Variants in CEP63 observed in about 807,000 individuals in gnomAD.
CEP63 encodes the protein centrosomal protein 63.
CEP63 carries 84 observed loss-of-function variants against 89.1 expected under a neutral mutation model. The ratio of observed to expected loss-of-function variants is 0.94; its 90% CI spans 0.79 to 1.13. CEP63 has a LOEUF of 1.13. Among genes scored for constraint, CEP63 ranks in the 50% most tolerant of loss-of-function variants. CEP63 has a pLI of 0.00. For synonymous variants in CEP63, 267 were observed against 272.5 expected (o/e 0.98, Z 0.20); for missense variants, 838 against 813.3 (o/e 1.03, Z -0.37).
intron 3 of CEP63, among the ~76,000 whole-genome samples, chr3:134,522,866 G>A (rs374508652): frequency 1.9e-4 from 29 of 152,228 alleles, no homozygotes; most frequent in African/African-American, 3.6e-4. Context: ...GTGAACTTAC[G>A]TGTGTATGTG....
chr3:134,583,730 G>A (rs983188551), intron 10 of CEP63, among the ~76,000 whole-genome samples: 2 of 152,274 alleles, frequency 1.3e-5, no homozygotes, highest in Admixed American at 6.5e-5. Context: ...GTCATTGGTA[G>A]CTTGATGGGG....
At chr3:134,757,749 T>G in the CEP63 span, among the ~76,000 whole-genome samples, 83 of 151,882 alleles carry the variant, frequency 5.5e-4, 1 homozygote, top group Middle Eastern at 0.014. Flanking sequence ...AACTGACGAG[T>G]CTGGTTGGAA....
the CEP63 span, among the ~76,000 whole-genome samples, chr3:134,723,477 C>G: frequency 6.6e-6 from 1 of 152,152 alleles, no homozygotes; most frequent in South Asian, 2.1e-4. Context: ...TGTAGTTCAC[C>G]CATGGATCCC....
chr3:134,642,892 C>T, the CEP63 span, among the ~76,000 whole-genome samples: 7 of 152,188 alleles, frequency 4.6e-5, no homozygotes, highest in Non-Finnish European at 8.8e-5. Context: ...CCTCAGTTTA[C>T]TCATCTGTAA....
At chr3:134,508,339 G>C (rs990254170) in intron 3 of CEP63, among the ~76,000 whole-genome samples, 1 of 152,154 alleles carries the variant, frequency 6.6e-6, no homozygotes, top group East Asian at 1.9e-4. Context: ...CTAAAACTTT[G>C]AGAATATATT....
the CEP63 span, among the ~76,000 whole-genome samples, chr3:134,741,583 G>A: frequency 5.9e-5 from 9 of 152,164 alleles, no homozygotes; most frequent in Non-Finnish European, 1.2e-4. Flanking sequence ...TCAGGTGTGT[G>A]TGGCTCTCAA....
chr3:134,562,645 C>T lies in CEP63; in HGVS notation c.*1110C>T, dbSNP rs533470706. Reference sequence around the variant, plus strand: ...CAGTGACTCTTTCCAGTTCCTCACCCCGCCCCACCGTAGTTCTCTTCCTAA... The same window carrying T: ...CAGTGACTCTTTCCAGTTCCTCACCTCGCCCCACCGTAGTTCTCTTCCTAA... On this transcript the variant is annotated 3_prime_UTR_variant, in exon 15 of 15. Transcript: ENST00000675561. The T allele has an allele frequency of 6.6e-6, 1 of 152,240 alleles. No individual in the cohort carries two copies. The highest frequency in any genetic ancestry group is 2.4e-5 in the African/African-American group (1 of 41,380). 9.4% of individuals were successfully genotyped at this position (152,240 alleles called of 1,614,324 possible).
chr3:134,710,832 C>T, the CEP63 span, among the ~76,000 whole-genome samples: 154 of 151,526 alleles, frequency 1.0e-3, no homozygotes, highest in African/African-American at 3.5e-3. Flanking sequence ...GGTGATTGCC[C>T]TGCCTCAGCC....
the CEP63 span, among the ~76,000 whole-genome samples, chr3:134,735,933 C>T: frequency 1.4e-4 from 22 of 151,876 alleles, no homozygotes; most frequent in East Asian, 9.6e-4. Flanking sequence ...GGTATCACCT[C>T]GATACTAAAC....
the CEP63 span, among the ~76,000 whole-genome samples, chr3:134,634,945 AGT>A: frequency 3.3e-5 from 5 of 152,260 alleles, no homozygotes; most frequent in African/African-American, 1.2e-4. Flanking sequence ...ATATATTGCT[AGT>A]GGGATTGTAA....
chr3:134,512,067 A>C (rs892541719), intron 3 of CEP63, among the ~76,000 whole-genome samples: 1 of 152,234 alleles, frequency 6.6e-6, no homozygotes. Context: ...GTCATTAAAC[A>C]GCTAAAACTG....
the CEP63 span, among the ~76,000 whole-genome samples, chr3:134,716,590 T>C: frequency 1.3e-5 from 2 of 152,098 alleles, no homozygotes; most frequent in African/African-American, 4.8e-5. Context: ...GGGTAGAGCA[T>C]GAATATGTAG....
At chr3:134,555,690 T>C (rs369841996) in intron 12 of CEP63, among the ~76,000 whole-genome samples, 3 of 152,016 alleles carry the variant, frequency 2.0e-5, no homozygotes, top group East Asian at 1.9e-4. Context: ...TGAAAATGGC[T>C]ATACTGCCCA....
At chr3:134,666,160 T>C in the CEP63 span, among the ~76,000 whole-genome samples, 1 of 152,116 alleles carries the variant, frequency 6.6e-6, no homozygotes, top group Non-Finnish European at 1.5e-5. Context: ...AGCTCTCTGA[T>C]GGAAGGAGGA....
chr3:134,625,025 C>G, the CEP63 span: 81 of 1,566,294 alleles, frequency 5.2e-5, 1 homozygote, highest in Non-Finnish European at 6.8e-5. Context: ...TTGAAGGGGC[C>G]CATGGTCAGA....
At chr3:134,723,867 G>A in the CEP63 span, among the ~76,000 whole-genome samples, 36 of 152,154 alleles carry the variant, frequency 2.4e-4, no homozygotes, top group African/African-American at 7.5e-4. Context: ...TCCACAAGAC[G>A]CAGATTTTAA....
At position 134,551,909 on chromosome 3, in the gene CEP63, T is replaced by A; in HGVS notation, c.1381-17T>A. 1.3e-6 allele frequency: 2 copies of A among 1,567,688 alleles called. No homozygotes were observed. The highest frequency in any genetic ancestry group is 1.7e-6 in the Non-Finnish European group (2 of 1,143,138). On this transcript the variant is annotated splice_polypyrimidine_tract_variant and intron_variant, in intron 11 of 14. Coordinates refer to ENST00000675561, the MANE Select transcript of CEP63 (RefSeq NM_001353108.3). ...TTTACATGTTATATTTATTTTTTTC[T>A]GTTTTCCCCTTTTCAGGAGATTTTG... is the stretch of plus-strand genomic sequence containing the variant.
chr3:134,527,309 G>A (rs1419134933), intron 3 of CEP63, among the ~76,000 whole-genome samples: 1 of 152,178 alleles, frequency 6.6e-6, no homozygotes, highest in Non-Finnish European at 1.5e-5. Flanking sequence ...GCAGGTCTGT[G>A]TGCCTTCTCT....
chr3:134,776,816 C>T, the CEP63 span, among the ~76,000 whole-genome samples: 1 of 152,120 alleles, frequency 6.6e-6, no homozygotes, highest in African/African-American at 2.4e-5. Context: ...GAAGATATGA[C>T]ACTTACTTGA....
Sources: allele counts gnomAD v4.1 joint callset (sites outside exome capture counted in the v4.1 genomes callset), GRCh38; gene constraint gnomAD v4.1.1; transcripts MANE v1.5; gene names NCBI Gene and HGNC (gene_info 2026-07-23, HGNC 2026-07-21).